The following ARHGEF25 variants were observed in gnomAD, a reference collection of about 807,000 sequenced individuals.
The protein encoded by ARHGEF25 is RAC/CDC42 exchange factor.
ARHGEF25 carries 42 observed loss-of-function variants against 74.0 expected under a neutral mutation model. The observed-to-expected ratio is 0.57, with a 90% CI of 0.44 to 0.73. The LOEUF (loss-of-function observed/expected upper bound fraction) is 0.73, where lower values mean the gene tolerates loss of function less well. Among genes scored for constraint, ARHGEF25 ranks in the 30% least tolerant of loss-of-function variants. The probability of loss-of-function intolerance (pLI) is 0.00; values close to 1 mark genes in which losing one functional copy is unlikely to be tolerated. For synonymous variants in ARHGEF25, 293 were observed against 278.6 expected, an observed-to-expected ratio of 1.05 and a Z score of -0.51; for missense variants, 645 against 725.5, an observed-to-expected ratio of 0.89 and a Z score of 1.27.
In ARHGEF25 at chr12:57,614,156, G is replaced by A. The variant is rs754821004; in HGVS notation, c.656+37G>A. On this transcript the variant is annotated intron_variant, in intron 6 of 14. Transcript: ENST00000286494. This position sits in a 1 kb window ranked among gnomAD's most constrained non-coding sequence, Gnocchi z 4.6. ...AACTCTGACAGCTAGGTGCTGGAGA[G>A]GGGCCCTCATCTGGTTGTCCTGTAT... 3.1e-6 allele frequency: 5 copies of A among 1,609,234 alleles called. No individual in the cohort carries two copies. The highest frequency in any genetic ancestry group is 1.7e-5 in the Admixed American group (1 of 59,980).
chr12:57,612,632 C>A, intron 1 of ARHGEF25: 1 of 1,068,276 alleles, frequency 9.4e-7, no homozygotes, highest in Non-Finnish European at 1.2e-6. Context: ...CTTCCAATGT[C>A]TGCCCAGATG....
At position 57,614,704 on chromosome 12, in the gene ARHGEF25, C is replaced by G. The variant is rs753076748; in HGVS notation, c.832C>G (p.Leu278Val). Reference sequence around the variant, plus strand: ...CTGTCCCCAGGAGCTCCGGCAGCAGCTGGGGCACCGCCTGCAGCTGAACGA... The same window carrying G: ...CTGTCCCCAGGAGCTCCGGCAGCAGGTGGGGCACCGCCTGCAGCTGAACGA... ...DSYFEELRQQLGHRLQLNDLL... is the reference protein window; with the variant it reads ...DSYFEELRQQVGHRLQLNDLL... The change falls in exon 9 of 15, where the codon CTG (leucine) becomes GTG (valine). Residue 278 changes from leucine (L) to valine (V), a missense_variant. Transcript: ENST00000286494. The surrounding 1 kb of genome is among the most constrained non-coding windows in gnomAD (Gnocchi z 4.6). 3.1e-6 allele frequency: 5 copies of G among 1,613,478 alleles called. No homozygotes were observed. The highest frequency in any genetic ancestry group is 4.2e-6 in the Non-Finnish European group (5 of 1,179,890).
intron 10 of ARHGEF25, 67 bp downstream of exon 10, chr12:57,615,084 C>T: frequency 6.2e-7 from 1 of 1,600,766 alleles, no homozygotes; most frequent in Non-Finnish European, 8.6e-7. Flanking sequence ...CATGGGTTCC[C>T]CCAGCCCCTT....
In ARHGEF25 at chr12:57,614,901, G is replaced by A. The variant is rs949588957; in HGVS notation, c.910-66G>A. 14 of 1,590,118 alleles carry A rather than the reference G, an allele frequency of 8.8e-6. No individual in the cohort carries two copies. In the East Asian group the frequency reaches 1.6e-4, roughly 18 times the overall value. On this transcript the variant is annotated intron_variant, in intron 9 of 14. Coordinates refer to ENST00000286494, the MANE Select transcript of ARHGEF25 (RefSeq NM_182947.4). The surrounding 1 kb of genome is among the most constrained non-coding windows in gnomAD (Gnocchi z 4.6). ...GAGGGCCCTCACTGGTGTCCTCAGGGGAGGATGTGAGAGCTTCTAAGGGTG... is the reference window on the plus strand; with the variant it reads ...GAGGGCCCTCACTGGTGTCCTCAGGAGAGGATGTGAGAGCTTCTAAGGGTG...
upstream of ARHGEF25, chr12:57,610,797 C>G: frequency 1.2e-6 from 1 of 833,200 alleles, no homozygotes; most frequent in Admixed American, 3.0e-5. Flanking sequence ...GCATGAGACC[C>G]ATTTAATCGC....
Position 57,615,914 on chromosome 12 carries a change from T to TCCTC in ARHGEF25, c.1317_1318insCCTC (p.Gly440ProfsTer42). The TCCTC allele has an allele frequency of 6.2e-7, 1 of 1,614,126 alleles. No homozygotes were observed. Among genetic ancestry groups the TCCTC allele is most frequent in the Non-Finnish European group, 8.5e-7 (1 of 1,180,002 alleles). On this transcript the variant is annotated frameshift_variant, in exon 13 of 15. Transcript: ENST00000286494. LOFTEE classifies it high-confidence loss of function. ...CACTGACCTCCAGAGGGCCAGAGGG[T>TCCTC]GGGATCCAGCGCTATGTCCTGCAGG...
chr12:57,611,760 C>T lies in ARHGEF25; in HGVS notation c.-135C>T. ...CCTGGACACCTCCTCCCGGTCCCCT[C>T]CCTCCCCCCCTCCCACAGCCTGGAC... On this transcript the variant is annotated 5_prime_UTR_variant, in exon 1 of 15. Transcript: ENST00000286494. The surrounding 1 kb of genome is among the most constrained non-coding windows in gnomAD (Gnocchi z 4.5). 3 of 1,157,344 alleles carry T rather than the reference C, an allele frequency of 2.6e-6. No homozygotes were observed. The highest frequency in any genetic ancestry group is 3.2e-6 in the Non-Finnish European group (3 of 927,152). 71.7% of individuals were successfully genotyped at this position (1,157,344 alleles called of 1,614,324 possible).
chr12:57,617,051 A>G lies in ARHGEF25; in HGVS notation c.*157A>G. The G allele has an allele frequency of 2.8e-6, 1 of 363,000 alleles. No homozygotes were observed. The allele number at this position is 363,000 out of a possible 1,614,324, so 22.5% of individuals were successfully genotyped here. A position where few individuals can be genotyped will look rare whatever the true frequency, so the allele number is the denominator to read the frequency against. Reference sequence around the variant, plus strand: ...TATCAACTTGGAGGAGAACACCTAGACCCAAGGACTTTTTTCTGCCCAAGG... The same window carrying G: ...TATCAACTTGGAGGAGAACACCTAGGCCCAAGGACTTTTTTCTGCCCAAGG... On this transcript the variant is annotated 3_prime_UTR_variant, in exon 15 of 15. Coordinates refer to ENST00000286494, the MANE Select transcript of ARHGEF25 (RefSeq NM_182947.4).
chr12:57,617,185 G>T lies in ARHGEF25; in HGVS notation c.*291G>T. ...GGGCAGGGGCCAGATAGAAATTATTGGTTTTGTTTTTTAATTTTGTTTTTC... is the reference window on the plus strand; with the variant it reads ...GGGCAGGGGCCAGATAGAAATTATTTGTTTTGTTTTTTAATTTTGTTTTTC... On this transcript the variant is annotated 3_prime_UTR_variant, in exon 15 of 15. Transcript: ENST00000286494. 3.2e-6 allele frequency: 1 copy of T among 310,434 alleles called. No homozygotes were observed. The highest frequency in any genetic ancestry group is 5.9e-6 in the Non-Finnish European group (1 of 170,096). 19.2% of individuals were successfully genotyped at this position (310,434 alleles called of 1,614,324 possible).
intron 1 of ARHGEF25, chr12:57,612,580 T>C: frequency 2.1e-6 from 1 of 480,744 alleles, no homozygotes; most frequent in East Asian, 6.5e-5. Context: ...CTGTACCCAT[T>C]GAAAGAGGGA....
Position 57,615,922 on chromosome 12 carries a change from AGC to A in ARHGEF25, c.1328_1329del (p.Arg443LeufsTer37), listed in dbSNP as rs765122054. Reference sequence around the variant, plus strand: ...TCCAGAGGGCCAGAGGGTGGGATCCAGCGCTATGTCCTGCAGGCTGCAGACCC... The same window carrying A: ...TCCAGAGGGCCAGAGGGTGGGATCCAGCTATGTCCTGCAGGCTGCAGACCC... On this transcript the variant is annotated frameshift_variant, in exon 13 of 15. Transcript: ENST00000286494. LOFTEE classifies it high-confidence loss of function. 9.9e-6 allele frequency: 16 copies of A among 1,614,102 alleles called. No individual in the cohort carries two copies. Among genetic ancestry groups the A allele is most frequent in the Non-Finnish European group, 1.4e-5 (16 of 1,180,034 alleles).
chr12:57,613,501 C>G lies in ARHGEF25; in HGVS notation c.470C>G (p.Ala157Gly), dbSNP rs561061153. Residue 157 changes from alanine to glycine, a missense_variant, in exon 4 of 15, where the codon GCT becomes GGT. Physicochemically the swap from Ala to Gly is moderately conservative, Grantham distance 60. Coordinates refer to ENST00000286494, the MANE Select transcript of ARHGEF25 (RefSeq NM_182947.4). ...PESEEEQKKK[A>G]LERSMYVLSE... ...AGTGAGGAGGAACAGAAGAAGAAGG[C>G]TCTGGAAAGGAGTATGTAAGTGTCC... 3.8e-5 allele frequency: 62 copies of G among 1,614,212 alleles called. 1 individual carries two copies. The South Asian group carries it at 5.7e-4, about 15-fold the overall frequency.
chr12:57,616,256 C>A, intron 13 of ARHGEF25, 28 bp from the exon 14 acceptor site: 1 of 1,595,356 alleles, frequency 6.3e-7, no homozygotes, highest in Admixed American at 1.7e-5. Context: ...CTGCGGTAAC[C>A]CTCCTTCTGT....
chr12:57,611,498 C>G lies in ARHGEF25; in HGVS notation c.-397C>G. ...GTGGCTCGGGGGTCGGCCCTCGCCT[C>G]CTCCCCGGCCCGGGCCTAGAGCCAC... On this transcript the variant is annotated 5_prime_UTR_variant, in exon 1 of 15. Transcript: ENST00000286494. The surrounding 1 kb of genome is among the most constrained non-coding windows in gnomAD (Gnocchi z 4.5). 1 of 986,062 alleles carries G rather than the reference C, an allele frequency of 1.0e-6. No individual in the cohort carries two copies. Among genetic ancestry groups the G allele is most frequent in the Non-Finnish European group, 1.2e-6 (1 of 830,422 alleles). The allele number at this position is 986,062 out of a possible 1,614,324, so 61.1% of individuals were successfully genotyped here. A position where few individuals can be genotyped will look rare whatever the true frequency, so the allele number is the denominator to read the frequency against.
Position 57,616,499 on chromosome 12 carries a change from T to A in ARHGEF25, c.1632+4T>A. ...CCTCTTGCCACTGGATAAACAGGTA[T>A]GACGAATAGAGCTCCCTCATTGTAG... On this transcript the variant is annotated splice_donor_region_variant and intron_variant, in intron 14 of 14. Coordinates refer to ENST00000286494, the MANE Select transcript of ARHGEF25 (RefSeq NM_182947.4). 6.2e-7 allele frequency: 1 copy of A among 1,613,024 alleles called. No homozygotes were observed. The highest frequency in any genetic ancestry group is 8.5e-7 in the Non-Finnish European group (1 of 1,179,504).
chr12:57,614,136 T>C lies in ARHGEF25; in HGVS notation c.656+17T>C. ...GCACCGAGAGTGAGTGGTGGAACTC[T>C]GACAGCTAGGTGCTGGAGAGGGGCC... On this transcript the variant is annotated intron_variant, in intron 6 of 14. Coordinates refer to ENST00000286494, the MANE Select transcript of ARHGEF25 (RefSeq NM_182947.4). The surrounding 1 kb of genome is among the most constrained non-coding windows in gnomAD (Gnocchi z 4.6). 3 of 1,613,132 alleles carry C rather than the reference T, an allele frequency of 1.9e-6. No individual in the cohort carries two copies. The highest frequency in any genetic ancestry group is 2.5e-6 in the Non-Finnish European group (3 of 1,179,152).
At chr12:57,613,625 G>C in intron 4 of ARHGEF25, 69 bp from the exon 5 acceptor site, 1 of 1,610,096 alleles carries the variant, frequency 6.2e-7, no homozygotes, top group African/African-American at 1.3e-5. Flanking sequence ...AGGGGAGGAG[G>C]GAGGAACGGG....
In ARHGEF25 at chr12:57,611,769, C is replaced by G. The variant is rs375105035; in HGVS notation, c.-126C>G. On this transcript the variant is annotated 5_prime_UTR_variant, in exon 1 of 15. Transcript: ENST00000286494. The surrounding 1 kb of genome is among the most constrained non-coding windows in gnomAD (Gnocchi z 4.5). ...CTCCTCCCGGTCCCCTCCCTCCCCC[C>G]CTCCCACAGCCTGGACCGGGGTAGG... The G allele has an allele frequency of 2.8e-5, 32 of 1,148,012 alleles. No homozygotes were observed. The highest frequency in any genetic ancestry group is 1.3e-4 in the Admixed American group (3 of 22,760). 71.1% of individuals were successfully genotyped at this position (1,148,012 alleles called of 1,614,324 possible).
In ARHGEF25 at chr12:57,613,291, A is replaced by G; in HGVS notation, c.340A>G (p.Thr114Ala). The change falls in exon 3 of 15, where the codon ACA becomes GCA. Residue 114 changes from threonine to alanine, a missense_variant. Physicochemically the swap from Thr to Ala is moderately conservative, Grantham distance 58. Around this residue, in one of 3 missense-constraint regions of ARHGEF25, gnomAD observed 189 missense variants for 199.1 expected, o/e 0.95. Transcript: ENST00000286494. ...CTGGATGTTGGAGCCAGCTCTAGCC[A>G]CAGGAGAGGAGCTGCCGGAACTGAC... ...ENWMLEPALA[T>A]GEELPELTLL... 2 of 1,614,234 alleles carry G rather than the reference A, an allele frequency of 1.2e-6. No individual in the cohort carries two copies. Among genetic ancestry groups the G allele is most frequent in the Non-Finnish European group, 1.7e-6 (2 of 1,180,032 alleles).
Sources: allele counts gnomAD v4.1 joint callset, GRCh38; gene constraint gnomAD v4.1.1; regional missense constraint gnomAD v4.1.1; non-coding constraint Gnocchi (gnomAD v3.1); transcripts MANE v1.5; gene names NCBI Gene and HGNC (gene_info 2026-07-23, HGNC 2026-07-21).